The following TMEM163 variants were observed in gnomAD, a reference collection of about 807,000 sequenced individuals.
TMEM163 encodes transmembrane protein 163.
In TMEM163, 17 loss-of-function variants were observed where a neutral mutation model predicts 29.3. The ratio of observed to expected loss-of-function variants is 0.58; its 90% CI spans 0.40 to 0.87. TMEM163 has a LOEUF of 0.87. TMEM163 is among the 40% of genes least tolerant of loss of function. The probability of loss-of-function intolerance (pLI) is 0.00; values close to 1 mark genes in which losing one functional copy is unlikely to be tolerated. For missense variants in TMEM163, 303 were observed against 381.5 expected (o/e 0.79, Z 1.71); for synonymous variants, 157 against 160.6 (o/e 0.98, Z 0.17).
chr2:134,476,443 G>A (rs1686914232), intron 5 of TMEM163, among the ~76,000 whole-genome samples: 1 of 152,010 alleles, frequency 6.6e-6, no homozygotes, highest in Admixed American at 6.5e-5. Context: ...GTACTTAAAG[G>A]GTGAATTTTA....
intron 2 of TMEM163, among the ~76,000 whole-genome samples, chr2:134,620,760 G>A (rs1159157585): frequency 6.6e-6 from 1 of 152,102 alleles, no homozygotes; most frequent in Non-Finnish European, 1.5e-5. Flanking sequence ...TGGGACAACT[G>A]AATACCCATA....
intron 2 of TMEM163, among the ~76,000 whole-genome samples, chr2:134,680,248 C>T (rs974979198): frequency 3.3e-5 from 5 of 152,024 alleles, no homozygotes; most frequent in African/African-American, 1.2e-4. Flanking sequence ...TAATTAATTA[C>T]TATTTTCATG....
At chr2:134,534,669 G>A (rs1378362584) in intron 4 of TMEM163, among the ~76,000 whole-genome samples, 3 of 151,994 alleles carry the variant, frequency 2.0e-5, no homozygotes, top group Non-Finnish European at 4.4e-5. Context: ...CAGGAGAATC[G>A]CTTGAACCCG....
At chr2:134,656,211 G>C (rs926688850) in intron 2 of TMEM163, among the ~76,000 whole-genome samples, 1 of 148,556 alleles carries the variant, frequency 6.7e-6, no homozygotes, top group African/African-American at 2.6e-5. Context: ...CTCCGTGGGC[G>C]TAGGACCCTC....
rs1443512114 is a variant in TMEM163 at position 134,479,540 on chromosome 2, T to C, written c.556-13315A>G. 5.9e-5 allele frequency among the ~76,000 whole-genome samples: 9 copies of C among 152,156 alleles called. 1 individual carries two copies. The South Asian group carries it at 1.0e-3, about 17-fold the overall frequency. ...TAATCCTGTCATCTCAGAGAACAAG[T>C]TGTGGAAACACACATCCCTGGGGCC... On this transcript the variant is annotated intron_variant, in intron 5 of 7. Coordinates refer to ENST00000281924, the MANE Select transcript of TMEM163 (RefSeq NM_030923.5).
At chr2:134,534,651 G>T (rs1387988477) in intron 4 of TMEM163, among the ~76,000 whole-genome samples, 26 of 152,114 alleles carry the variant, frequency 1.7e-4, no homozygotes, top group Admixed American at 1.7e-3. Flanking sequence ...CTGCTTGGGA[G>T]GCTGAGGCAG....
chr2:134,643,920 T>C (rs556518357), intron 2 of TMEM163, among the ~76,000 whole-genome samples: 1 of 152,124 alleles, frequency 6.6e-6, no homozygotes, highest in East Asian at 1.9e-4. Flanking sequence ...TAAGTAAAAC[T>C]ATCAAGTATG....
intron 2 of TMEM163, among the ~76,000 whole-genome samples, chr2:134,628,307 C>T (rs1682895419): frequency 6.6e-6 from 1 of 152,254 alleles, no homozygotes. Context: ...CTTCAGCAGA[C>T]CCGGATTGCT....
chr2:134,553,871 C>T lies in TMEM163; in HGVS notation c.323-1780G>A, dbSNP rs182624043. On this transcript the variant is annotated intron_variant, in intron 2 of 7. Transcript: ENST00000281924. The stretch of plus-strand genomic sequence containing the variant: ...GCCATGCTGACGTGTGCAAAAAAAG[C>T]AGCTGATCCCTGGCGGGACTGCTGC... 7.2e-5 allele frequency among the ~76,000 whole-genome samples: 11 copies of T among 152,316 alleles called. 2 individuals carry two copies. Among genetic ancestry groups the T allele is most frequent in the African/African-American group, 2.6e-4 (11 of 41,576 alleles).
intron 2 of TMEM163, among the ~76,000 whole-genome samples, chr2:134,634,394 G>C (rs1313921696): frequency 2.1e-5 from 3 of 140,058 alleles, no homozygotes; most frequent in African/African-American, 9.9e-5. Context: ...GTAAGTTGTA[G>C]AGAGGTTGAG....
chr2:134,533,637 A>C (rs1440806194), intron 4 of TMEM163, among the ~76,000 whole-genome samples: 1 of 152,224 alleles, frequency 6.6e-6, no homozygotes, highest in East Asian at 1.9e-4. Context: ...GTTCTCTTGT[A>C]ATAAACCATC....
chr2:134,511,153 C>CGGGTG (rs1679937827), intron 4 of TMEM163, among the ~76,000 whole-genome samples: 1 of 122,396 alleles, frequency 8.2e-6, no homozygotes, highest in African/African-American at 3.7e-5. Flanking sequence ...GAGAACAAGG[C>CGGGTG]GGGGGGGGGT....
At chr2:134,639,314 A>G (rs1254797880) in intron 2 of TMEM163, among the ~76,000 whole-genome samples, 1 of 152,216 alleles carries the variant, frequency 6.6e-6, no homozygotes, top group Non-Finnish European at 1.5e-5. Flanking sequence ...TGAAGAAGAG[A>G]CAAAGCAGAT....
chr2:134,599,197 G>A (rs570490050), intron 2 of TMEM163, among the ~76,000 whole-genome samples: 2 of 152,224 alleles, frequency 1.3e-5, no homozygotes, highest in Non-Finnish European at 2.9e-5. Flanking sequence ...CTCTGCATAT[G>A]GTTCATGACA....
intron 5 of TMEM163, among the ~76,000 whole-genome samples, chr2:134,499,355 G>T (rs1009566424): frequency 2.6e-5 from 4 of 152,216 alleles, no homozygotes; most frequent in African/African-American, 9.6e-5. Context: ...TGTGGCACAG[G>T]CCACACACAT....
intron 4 of TMEM163, among the ~76,000 whole-genome samples, chr2:134,549,575 C>T (rs1680865871): frequency 6.6e-6 from 1 of 152,108 alleles, no homozygotes; most frequent in South Asian, 2.1e-4. Context: ...AACTCCTGGC[C>T]TCAAGTGATC....
intron 5 of TMEM163, among the ~76,000 whole-genome samples, chr2:134,489,159 A>G (rs779199429): frequency 2.6e-5 from 4 of 152,226 alleles, no homozygotes; most frequent in African/African-American, 7.2e-5. Context: ...CACTGTAATA[A>G]TAAAAAACTG....
At position 134,713,179 on chromosome 2, in the gene TMEM163, G is replaced by A. The variant is rs190323398; in HGVS notation, c.322+21C>T. The A allele has an allele frequency of 1.2e-3, 1,917 of 1,609,996 alleles. 3 individuals are homozygous for A. Among genetic ancestry groups the A allele is most frequent in the African/African-American group, 3.3e-3 (247 of 74,734 alleles). ...CGGGCAACAGCAGCACATATTGGCC[G>A]ACGAGACCCTTGATACTCACTAAAG... On this transcript the variant is annotated intron_variant, in intron 2 of 7. Transcript: ENST00000281924.
intron 2 of TMEM163, among the ~76,000 whole-genome samples, chr2:134,562,745 G>C (rs1574240109): frequency 6.6e-6 from 1 of 152,126 alleles, no homozygotes; most frequent in African/African-American, 2.4e-5. Context: ...GTTAAACATG[G>C]TGGAATACAG....
Sources: gnomAD v4.1 joint callset for allele counts (sites outside exome capture counted in the v4.1 genomes callset) on GRCh38, gnomAD v4.1.1 for gene constraint, MANE v1.5 for transcripts, NCBI Gene and HGNC (gene_info 2026-07-23, HGNC 2026-07-21) for gene names.